The following NEK1 variants were observed in gnomAD, a reference collection of about 807,000 sequenced individuals.
The protein encoded by NEK1 is NIMA related kinase 1.
A neutral mutation model predicts 182.1 loss-of-function variants in NEK1; 137 were observed. That is an observed-to-expected ratio of 0.75 (90% CI 0.65 to 0.87). NEK1 has a LOEUF of 0.87. Among genes scored for constraint, NEK1 ranks in the 40% least tolerant of loss-of-function variants. NEK1 has a pLI of 0.00. For synonymous variants in NEK1, 513 were observed against 492.2 expected (o/e 1.04, Z -0.56); for missense variants, 1,391 against 1,494.4 (o/e 0.93, Z 1.14).
At chr4:169,576,130 A>G (rs972121788) in intron 12 of NEK1, among the ~76,000 whole-genome samples, 7 of 151,622 alleles carry the variant, frequency 4.6e-5, no homozygotes, top group Non-Finnish European at 8.8e-5. Context: ...ACACCTGGCT[A>G]ATTTTTGTAT....
At chr4:169,406,517 C>G (rs1423166315) in intron 32 of NEK1, 79 bp downstream of exon 32, 1 of 1,000,800 alleles carries the variant, frequency 1.0e-6, no homozygotes, top group Non-Finnish European at 1.4e-6. Flanking sequence ...AAAAAAAGAG[C>G]TAGGTAAGTT....
chr4:169,507,197 T>TTC, intron 22 of NEK1, 65 bp from the exon 23 acceptor site: 1 of 966,572 alleles, frequency 1.0e-6, no homozygotes, highest in East Asian at 2.8e-5. Context: ...TTTTTTTTTT[T>TTC]TTTGGGCCAG....
chr4:169,431,981 T>C (rs1261202812), intron 29 of NEK1, among the ~76,000 whole-genome samples: 1 of 151,528 alleles, frequency 6.6e-6, no homozygotes, highest in East Asian at 1.9e-4. Flanking sequence ...AAAAAATAGT[T>C]GCAATTCATG....
chr4:169,426,282 C>A, intron 29 of NEK1, 48 bp from the exon 30 acceptor site: 1 of 1,498,180 alleles, frequency 6.7e-7, no homozygotes, highest in Non-Finnish European at 9.2e-7. Flanking sequence ...CTTAGTTTAC[C>A]AGAAATAAAA....
In NEK1 at chr4:169,561,508, A is replaced by G. The variant is rs755724871; in HGVS notation, c.1238T>C (p.Leu413Pro). The G allele has an allele frequency of 2.6e-5, 42 of 1,613,640 alleles. No individual in the cohort carries two copies. In the East Asian group the frequency reaches 8.5e-4, roughly 33 times the overall value. ...RAREQGWRNV[L>P]SAGGSGEVKA... ...TACTTCACCACTTCCACCAGCACTT[A>G]GCACATTTCTCCATCCTTGTTCCCT... Residue 413 changes from leucine (L) to proline (P), a missense_variant, in exon 16 of 36, where the codon CTA (leucine) becomes CCA (proline). Physicochemically the swap from Leu to Pro is moderately conservative, Grantham distance 98. Around this residue, in one of 5 missense-constraint regions of NEK1, gnomAD observed 1,216 missense variants for 1,277.6 expected, o/e 0.95. Coordinates refer to ENST00000507142, the MANE Select transcript of NEK1 (RefSeq NM_001199397.3).
At chr4:169,493,960 T>C (rs912958582) in intron 23 of NEK1, among the ~76,000 whole-genome samples, 2 of 152,194 alleles carry the variant, frequency 1.3e-5, no homozygotes, top group Non-Finnish European at 2.9e-5. Context: ...AGATACTATA[T>C]AAGATGACCA....
chr4:169,506,997 G>T (rs1753382794), intron 23 of NEK1, 40 bp downstream of exon 23: 3 of 1,386,800 alleles, frequency 2.2e-6, no homozygotes. Context: ...CTATAAAAAT[G>T]TTAATACAAC....
chr4:169,463,355 T>C lies in NEK1; in HGVS notation c.2475A>G (p.Gly825=). Residue 825 remains glycine (G), a synonymous_variant, in exon 27 of 36, where the codon GGA becomes GGG. Transcript: ENST00000507142. The stretch of plus-strand genomic sequence containing the variant: ...TTTTCCCCCAGGCTCTTCTTGGAGA[T>C]CCATTAGGACCTAATTTAATAACTT... ...VGEVIKLGPN[G]SPRRAWGKSP... is the part of the protein sequence containing the mutation. The C allele has an allele frequency of 1.2e-6, 2 of 1,609,852 alleles. No individual in the cohort carries two copies.
chr4:169,401,915 T>A, intron 32 of NEK1, 55 bp from the exon 33 acceptor site: 1 of 1,442,414 alleles, frequency 6.9e-7, no homozygotes, highest in Non-Finnish European at 9.4e-7. Flanking sequence ...TTTACCAAGT[T>A]AAACAACTAA....
chr4:169,460,247 G>A (rs1274798344), intron 27 of NEK1, among the ~76,000 whole-genome samples: 1 of 151,760 alleles, frequency 6.6e-6, no homozygotes, highest in Non-Finnish European at 1.5e-5. Context: ...CGGTACAACT[G>A]AACTCACAGT....
At chr4:169,512,463 T>C (rs983308339) in intron 19 of NEK1, among the ~76,000 whole-genome samples, 1 of 152,118 alleles carries the variant, frequency 6.6e-6, no homozygotes, top group Admixed American at 6.5e-5. Flanking sequence ...GGATCTTTTA[T>C]GTTTAATGTT....
At chr4:169,546,286 G>A (rs1760431113) in intron 18 of NEK1, among the ~76,000 whole-genome samples, 1 of 152,186 alleles carries the variant, frequency 6.6e-6, no homozygotes, top group South Asian at 2.1e-4. Context: ...CCATGGAGTT[G>A]TGCGATTTTG....
chr4:169,424,025 C>T (rs1185637068), intron 31 of NEK1, among the ~76,000 whole-genome samples: 1 of 151,928 alleles, frequency 6.6e-6, no homozygotes, highest in African/African-American at 2.4e-5. Context: ...AGTAATATAA[C>T]AAATGATTAT....
chr4:169,552,896 T>C (rs905213166), intron 18 of NEK1, among the ~76,000 whole-genome samples: 2 of 152,096 alleles, frequency 1.3e-5, no homozygotes, highest in African/African-American at 4.8e-5. Context: ...TGCACGGGTA[T>C]GAGGAAAACT....
At position 169,477,239 on chromosome 4, in the gene NEK1, TTTGGC is replaced by T; in HGVS notation, c.2314_2318del (p.Ala772ArgfsTer3). On this transcript the variant is annotated frameshift_variant, in exon 26 of 36. Transcript: ENST00000507142. LOFTEE classifies it high-confidence loss of function. ...AAACTGATTTTTCTTTTTCATGCTCTTTGGCATCTTCATGAACATTTATCTCAAAA... is the reference window on the plus strand; with the variant it reads ...AAACTGATTTTTCTTTTTCATGCTCTATCTTCATGAACATTTATCTCAAAA... 1 of 1,603,110 alleles carries T rather than the reference TTTGGC, an allele frequency of 6.2e-7. No homozygotes were observed. Among genetic ancestry groups the T allele is most frequent in the Non-Finnish European group, 8.5e-7 (1 of 1,173,720 alleles).
chr4:169,549,871 C>G (rs1470248878), intron 18 of NEK1, among the ~76,000 whole-genome samples: 2 of 152,166 alleles, frequency 1.3e-5, no homozygotes, highest in Admixed American at 1.3e-4. Context: ...AGGCACCCAC[C>G]ACCATGCCCA....
intron 27 of NEK1, among the ~76,000 whole-genome samples, chr4:169,439,041 A>G (rs544031759): frequency 1.3e-5 from 2 of 152,348 alleles, no homozygotes; most frequent in East Asian, 3.8e-4. Flanking sequence ...GAAAGTACCT[A>G]CAATGCACTG....
intron 12 of NEK1, among the ~76,000 whole-genome samples, chr4:169,565,194 T>C (rs1353416182): frequency 1.3e-5 from 2 of 152,292 alleles, no homozygotes; most frequent in East Asian, 3.9e-4. Context: ...ACATTAGCTT[T>C]CAAACTTTTT....
At chr4:169,602,474 T>C in intron 3 of NEK1, 40 bp downstream of exon 3, 1 of 1,080,468 alleles carries the variant, frequency 9.3e-7, no homozygotes, top group African/African-American at 1.6e-5. Context: ...CTATTGTAAC[T>C]AAACCATTAC....
Sources: gnomAD v4.1 joint callset for allele counts (sites outside exome capture counted in the v4.1 genomes callset) on GRCh38, gnomAD v4.1.1 for gene constraint, gnomAD v4.1.1 regional missense constraint, MANE v1.5 for transcripts, NCBI Gene and HGNC (gene_info 2026-07-23, HGNC 2026-07-21) for gene names.